Variants in SH3RF1 observed in about 807,000 individuals in gnomAD.
The protein encoded by SH3RF1 is SH3 domain containing ring finger 1, also known as E3 ubiquitin-protein ligase SH3RF1.
In SH3RF1, 32 loss-of-function variants were observed where a neutral mutation model predicts 74.0. The observed-to-expected ratio is 0.43, with a 90% CI of 0.33 to 0.58. The LOEUF is 0.58. SH3RF1 is among the 20% of genes least tolerant of loss of function. The probability of loss-of-function intolerance (pLI) is 0.05; values close to 1 mark genes in which losing one functional copy is unlikely to be tolerated. For missense variants in SH3RF1, 954 were observed against 1,130.9 expected (o/e 0.84, Z 2.24); for synonymous variants, 396 against 439.6 (o/e 0.90, Z 1.24).
chr4:169,141,851 T>C (rs539935674), intron 4 of SH3RF1, among the ~76,000 whole-genome samples: 1 of 150,578 alleles, frequency 6.6e-6, no homozygotes, highest in South Asian at 2.1e-4. Context: ...CTCGCTCTGT[T>C]GCCCAGGCTG....
intron 2 of SH3RF1, among the ~76,000 whole-genome samples, chr4:169,259,241 C>T (rs192073068): frequency 1.3e-5 from 2 of 152,224 alleles, no homozygotes; most frequent in African/African-American, 4.8e-5. Context: ...CAGAAAAATG[C>T]TCAACATTGA....
At chr4:169,101,096 G>A (rs1733019994) in intron 11 of SH3RF1, among the ~76,000 whole-genome samples, 1 of 152,206 alleles carries the variant, frequency 6.6e-6, no homozygotes, top group Non-Finnish European at 1.5e-5. Context: ...ATTACCATCT[G>A]TGTCCGTCTC....
intron 11 of SH3RF1, among the ~76,000 whole-genome samples, chr4:169,097,652 G>T (rs1186793657): frequency 7.2e-5 from 11 of 152,110 alleles, no homozygotes; most frequent in Admixed American, 3.3e-4. Context: ...TCAACAAAAG[G>T]GGGGAAAAGA....
chr4:169,190,244 G>A (rs977004620), intron 2 of SH3RF1, among the ~76,000 whole-genome samples: 5 of 151,988 alleles, frequency 3.3e-5, no homozygotes, highest in Non-Finnish European at 4.4e-5. Flanking sequence ...AAATGAAATT[G>A]AAACAAACAA....
intron 2 of SH3RF1, among the ~76,000 whole-genome samples, chr4:169,202,865 C>G (rs751333491): frequency 1.3e-5 from 2 of 152,094 alleles, no homozygotes; most frequent in African/African-American, 4.8e-5. Flanking sequence ...ATAAAAGAAA[C>G]TTTAAAAAAC....
intron 2 of SH3RF1, among the ~76,000 whole-genome samples, chr4:169,260,005 G>T (rs190446343): frequency 6.6e-6 from 1 of 152,280 alleles, no homozygotes; most frequent in Non-Finnish European, 1.5e-5. Context: ...ACTACATTAA[G>T]CAATATACTA....
chr4:169,151,162 A>C (rs1733970041), intron 4 of SH3RF1, among the ~76,000 whole-genome samples: 1 of 152,222 alleles, frequency 6.6e-6, no homozygotes, highest in Non-Finnish European at 1.5e-5. Flanking sequence ...TTGAAAGCGT[A>C]CTACAGGCGC....
chr4:169,254,242 AC>A (rs1411990283), intron 2 of SH3RF1, among the ~76,000 whole-genome samples: 1 of 152,230 alleles, frequency 6.6e-6, no homozygotes, highest in African/African-American at 2.4e-5. Context: ...TACTGAACTG[AC>A]CACCTACTAC....
intron 2 of SH3RF1, chr4:169,166,447 A>C (rs929520790): frequency 5.7e-6 from 1 of 176,226 alleles, no homozygotes; most frequent in Non-Finnish European, 1.2e-5. Context: ...GATATTCCTC[A>C]TCTGCTATAT....
chr4:169,260,531 A>T (rs1561067420), intron 2 of SH3RF1, among the ~76,000 whole-genome samples: 1 of 152,218 alleles, frequency 6.6e-6, no homozygotes, highest in Non-Finnish European at 1.5e-5. Context: ...CCAGAGAGCC[A>T]GGGCAGAGGT....
chr4:169,180,749 A>C (rs1402427581), intron 2 of SH3RF1, among the ~76,000 whole-genome samples: 2 of 152,240 alleles, frequency 1.3e-5, no homozygotes, highest in Admixed American at 6.5e-5. Context: ...TGTGTACTTG[A>C]AACAAACTCA....
rs879590899 is a variant in SH3RF1 at position 169,173,435 on chromosome 4, TAAAAA to T, written c.394-16761_394-16757del. 2.7e-5 allele frequency among the ~76,000 whole-genome samples: 4 copies of T among 146,136 alleles called. No homozygotes were observed. The South Asian group carries it at 8.7e-4, about 32-fold the overall frequency. ...TGCTGTGCTAAGTTTTTTCTGGGATTAAAAAAAAAAAAGTAGCAAAAGAACACAGT... is the reference window on the plus strand; with the variant it reads ...TGCTGTGCTAAGTTTTTTCTGGGATTAAAAAAAGTAGCAAAAGAACACAGT... On this transcript the variant is annotated intron_variant, in intron 2 of 11. Coordinates refer to ENST00000284637, the MANE Select transcript of SH3RF1 (RefSeq NM_020870.4).
In SH3RF1 at chr4:169,250,254, T is replaced by C. The variant is rs138539671; in HGVS notation, c.393+18566A>G. Among the ~76,000 whole-genome samples, 37 of 152,268 alleles carry C rather than the reference T, an allele frequency of 2.4e-4. No homozygotes were observed. In the East Asian group the frequency reaches 6.8e-3, roughly 28 times the overall value. On this transcript the variant is annotated intron_variant, in intron 2 of 11. Coordinates refer to ENST00000284637, the MANE Select transcript of SH3RF1 (RefSeq NM_020870.4). ...GTCAGTTATAAAGGATTTGTATTCA[T>C]TTCTGGGAGCTAAAAACAGAGATGC...
At chr4:169,155,379 G>A in intron 4 of SH3RF1, 101 bp downstream of exon 4, 1 of 812,238 alleles carries the variant, frequency 1.2e-6, no homozygotes, top group African/African-American at 1.7e-5. Flanking sequence ...CATTCCTGGT[G>A]CTTTTTGTTG....
chr4:169,154,646 TA>T (rs1184449291), intron 4 of SH3RF1, among the ~76,000 whole-genome samples: 17 of 152,194 alleles, frequency 1.1e-4, no homozygotes, highest in African/African-American at 3.9e-4. Flanking sequence ...AGTTAACCCT[TA>T]TTTATCCATC....
intron 2 of SH3RF1, among the ~76,000 whole-genome samples, chr4:169,177,781 A>ACT (rs1375792246): frequency 6.6e-6 from 1 of 152,136 alleles, no homozygotes. Flanking sequence ...AAGATAGAGG[A>ACT]AAGATCTTAT....
chr4:169,225,060 C>G (rs1419584326), intron 2 of SH3RF1, among the ~76,000 whole-genome samples: 29 of 152,074 alleles, frequency 1.9e-4, no homozygotes. Context: ...TTACCACATG[C>G]CTGGGAGTAA....
At chr4:169,113,483 G>C (rs941176818) in intron 10 of SH3RF1, among the ~76,000 whole-genome samples, 1 of 152,160 alleles carries the variant, frequency 6.6e-6, no homozygotes, top group Non-Finnish European at 1.5e-5. Context: ...TTAAACAAAA[G>C]ATTTATGAAC....
intron 2 of SH3RF1, among the ~76,000 whole-genome samples, chr4:169,249,780 G>A (rs1401433309): frequency 6.6e-6 from 1 of 152,148 alleles, no homozygotes; most frequent in African/African-American, 2.4e-5. Flanking sequence ...TAACTGTGAG[G>A]CATATGACTG....
Sources: allele counts gnomAD v4.1 joint callset (sites outside exome capture counted in the v4.1 genomes callset), GRCh38; gene constraint gnomAD v4.1.1; transcripts MANE v1.5; gene names NCBI Gene and HGNC (gene_info 2026-07-23, HGNC 2026-07-21).